Variants in PRICKLE1 observed in about 807,000 individuals in gnomAD.
The protein encoded by PRICKLE1 is prickle-like protein 1.
Under a neutral mutation model 70.2 loss-of-function variants are expected in PRICKLE1, and 14 were observed. The ratio of observed to expected loss-of-function variants is 0.20; its 90% CI spans 0.13 to 0.31. PRICKLE1 has a LOEUF of 0.31. PRICKLE1 is among the 10% of genes least tolerant of loss of function. PRICKLE1 has a pLI of 1.00. For missense variants in PRICKLE1, 821 were observed against 1,026.2 expected, an observed-to-expected ratio of 0.80 and a Z score of 2.73; for synonymous variants, 357 against 379.9, an observed-to-expected ratio of 0.94 and a Z score of 0.70.
At chr12:42,582,253 A>G (rs963220650) in intron 1 of PRICKLE1, among the ~76,000 whole-genome samples, 18 of 152,242 alleles carry the variant, frequency 1.2e-4, no homozygotes, top group Admixed American at 1.2e-3. Context: ...AAAAGGCTAA[A>G]GCAATTCAGA....
chr12:42,493,274 T>C (rs1221119815), intron 1 of PRICKLE1, among the ~76,000 whole-genome samples: 2 of 152,180 alleles, frequency 1.3e-5, no homozygotes, highest in Non-Finnish European at 2.9e-5. Context: ...GACACTCCAT[T>C]CTCCATGATA....
intron 1 of PRICKLE1, among the ~76,000 whole-genome samples, chr12:42,582,570 T>C (rs1940920431): frequency 6.6e-6 from 1 of 152,254 alleles, no homozygotes; most frequent in Admixed American, 6.5e-5. Flanking sequence ...GTAATCTCTT[T>C]TTGACATACA....
chr12:42,466,319 C>A lies in PRICKLE1; in HGVS notation c.650G>T (p.Cys217Phe). Residue 217 changes from cysteine to phenylalanine, a missense_variant, in exon 6 of 8, where the codon TGC (cysteine) becomes TTC (phenylalanine). Cys to Phe is a radical substitution (Grantham distance 205). Coordinates refer to ENST00000345127, the MANE Select transcript of PRICKLE1 (RefSeq NM_153026.3). ...CAGGACCGTTTCACACTCAAGGCAG[C>A]AGAAGTGTTTCATGTGCCAATGGCG... ...EGRHWHMKHF[C>F]CLECETVLGG... The A allele has an allele frequency of 6.2e-7, 1 of 1,614,202 alleles. No individual in the cohort carries two copies. Among genetic ancestry groups the A allele is most frequent in the Non-Finnish European group, 8.5e-7 (1 of 1,180,044 alleles).
intron 1 of PRICKLE1, among the ~76,000 whole-genome samples, chr12:42,480,316 C>G (rs1938748285): frequency 6.6e-6 from 1 of 152,136 alleles, no homozygotes; most frequent in African/African-American, 2.4e-5. Context: ...TACACAGAAG[C>G]TGGGCATATG....
At chr12:42,470,724 G>A (rs1390915883) in intron 2 of PRICKLE1, among the ~76,000 whole-genome samples, 1 of 152,044 alleles carries the variant, frequency 6.6e-6, no homozygotes, top group Non-Finnish European at 1.5e-5. Context: ...TGACCAACAC[G>A]GTGAAACCCT....
intron 1 of PRICKLE1, among the ~76,000 whole-genome samples, chr12:42,476,073 C>T (rs1350162506): frequency 9.9e-6 from 1 of 100,846 alleles, no homozygotes; most frequent in Non-Finnish European, 1.9e-5. Context: ...GCCTGGGTGA[C>T]AAGAGCAAAA....
intron 1 of PRICKLE1, among the ~76,000 whole-genome samples, chr12:42,525,885 TG>T (rs1266867489): frequency 1.3e-5 from 2 of 152,232 alleles, no homozygotes; most frequent in Non-Finnish European, 2.9e-5. Context: ...ACATACTAAG[TG>T]TTGAAATAGA....
At position 42,458,969 on chromosome 12, in the gene PRICKLE1, T is replaced by C. The variant is rs1566073854; in HGVS notation, c.*840A>G. On this transcript the variant is annotated 3_prime_UTR_variant, in exon 8 of 8. Transcript: ENST00000345127. ...CATGCATACAGAGCCTTTTTTAATA[T>C]TGGAAAAAAAAATCAAAAAAAGTTG... is the stretch of plus-strand genomic sequence containing the variant. 3 of 265,920 alleles carry C rather than the reference T, an allele frequency of 1.1e-5. No individual in the cohort carries two copies. Among genetic ancestry groups the C allele is most frequent in the South Asian group, 6.1e-5 (1 of 16,280 alleles). The allele number at this position is 265,920 out of a possible 1,614,324, so 16.5% of individuals were successfully genotyped here. A position where few individuals can be genotyped will look rare whatever the true frequency, so the allele number is the denominator to read the frequency against.
intron 1 of PRICKLE1, among the ~76,000 whole-genome samples, chr12:42,578,779 T>TTTATTTATTTA (rs1156822778): frequency 1.5e-5 from 1 of 68,758 alleles, no homozygotes; most frequent in Non-Finnish European, 3.9e-5. Context: ...TTATTTATTT[T>TTTATTTATTTA]GAGACTGAGT....
intron 1 of PRICKLE1, among the ~76,000 whole-genome samples, chr12:42,574,357 CA>C (rs1940769910): frequency 1.3e-5 from 2 of 151,892 alleles, no homozygotes; most frequent in Admixed American, 6.5e-5. Flanking sequence ...CATTCAGCAA[CA>C]AAAAAAAGTT....
intron 1 of PRICKLE1, among the ~76,000 whole-genome samples, chr12:42,500,380 G>A (rs1939283460): frequency 6.6e-6 from 1 of 152,114 alleles, no homozygotes; most frequent in African/African-American, 2.4e-5. Flanking sequence ...TTGCCTATTA[G>A]GCATTACCAG....
chr12:42,553,555 C>T (rs1157929395), intron 1 of PRICKLE1, among the ~76,000 whole-genome samples: 3 of 151,894 alleles, frequency 2.0e-5, no homozygotes, highest in Admixed American at 6.6e-5. Context: ...GTCTGAGTGT[C>T]CCTCCTATTC....
intron 1 of PRICKLE1, among the ~76,000 whole-genome samples, chr12:42,588,233 G>T (rs1941015070): frequency 6.6e-6 from 1 of 152,184 alleles, no homozygotes; most frequent in South Asian, 2.1e-4. Context: ...ACAGATGGAA[G>T]TTCCCTCTAC....
intron 1 of PRICKLE1, among the ~76,000 whole-genome samples, chr12:42,486,397 G>A (rs1938991462): frequency 6.6e-6 from 1 of 152,190 alleles, no homozygotes; most frequent in South Asian, 2.1e-4. Context: ...CATGAGTTAA[G>A]TGAATGAATG....
At chr12:42,476,595 C>G (rs1477753293) in intron 1 of PRICKLE1, among the ~76,000 whole-genome samples, 1 of 152,192 alleles carries the variant, frequency 6.6e-6, no homozygotes, top group African/African-American at 2.4e-5. Flanking sequence ...GGATTACAGG[C>G]GTGAGCCACG....
intron 1 of PRICKLE1, among the ~76,000 whole-genome samples, chr12:42,526,448 C>G (rs1198299082): frequency 5.3e-5 from 8 of 151,952 alleles, no homozygotes; most frequent in Non-Finnish European, 7.4e-5. Context: ...TGATCTGGAG[C>G]TGGAAAGTGA....
chr12:42,475,826 G>A (rs983984592), intron 1 of PRICKLE1, among the ~76,000 whole-genome samples: 5 of 148,282 alleles, frequency 3.4e-5, no homozygotes, highest in African/African-American at 1.0e-4. Context: ...GGGTGCAGTC[G>A]CTCACACCTG....
At chr12:42,516,163 G>A (rs550855475) in intron 1 of PRICKLE1, among the ~76,000 whole-genome samples, 4 of 151,438 alleles carry the variant, frequency 2.6e-5, no homozygotes, top group African/African-American at 4.9e-5. Context: ...ACAGAGTCTC[G>A]CTCTGTCGCT....
intron 1 of PRICKLE1, among the ~76,000 whole-genome samples, chr12:42,508,914 G>A (rs1351632526): frequency 2.6e-5 from 4 of 152,168 alleles, no homozygotes; most frequent in African/African-American, 9.7e-5. Context: ...TTTTGGCTAT[G>A]AAATCCTATA....
Sources: gnomAD v4.1 joint callset for allele counts (sites outside exome capture counted in the v4.1 genomes callset) on GRCh38, gnomAD v4.1.1 for gene constraint, MANE v1.5 for transcripts, NCBI Gene and HGNC (gene_info 2026-07-23, HGNC 2026-07-21) for gene names.